BBS9: variants seen among roughly 807,000 people sequenced by gnomAD.
The protein encoded by BBS9 is protein PTHB1.
In BBS9, 89 loss-of-function variants were observed where a neutral mutation model predicts 117.7. The observed-to-expected ratio is 0.76, with a 90% confidence interval of 0.64 to 0.90. The LOEUF (loss-of-function observed/expected upper bound fraction) is 0.90, where lower values mean the gene tolerates loss of function less well. BBS9 is among the 40% of genes least tolerant of loss of function. The probability of loss-of-function intolerance (pLI) is 0.00; values close to 1 mark genes in which losing one functional copy is unlikely to be tolerated. For synonymous variants in BBS9, 379 were observed against 370.9 expected (o/e 1.02, Z -0.25); for missense variants, 982 against 1,042.2 (o/e 0.94, Z 0.80).
At chr7:33,375,676 C>G (rs1823734623) in intron 17 of BBS9, among the ~76,000 whole-genome samples, 1 of 150,760 alleles carries the variant, frequency 6.6e-6, no homozygotes. Context: ...AGTGCACCCT[C>G]TGCCTCCCAG....
intron 5 of BBS9, among the ~76,000 whole-genome samples, chr7:33,178,793 T>G (rs1030410417): frequency 6.6e-6 from 1 of 152,106 alleles, no homozygotes; most frequent in African/African-American, 2.4e-5. Context: ...TTTTTTTTAT[T>G]AATACATACA....
At chr7:33,534,766 T>C (rs1209308942) in intron 21 of BBS9, among the ~76,000 whole-genome samples, 2 of 152,116 alleles carry the variant, frequency 1.3e-5, no homozygotes, top group Non-Finnish European at 2.9e-5. Context: ...CCCATGGTCA[T>C]AGGGGCTGAG....
Position 33,451,334 on chromosome 7 carries a change from A to G in BBS9, c.2116-54129A>G, listed in dbSNP as rs1347317032. On this transcript the variant is annotated intron_variant, in intron 19 of 22. Transcript: ENST00000242067. ...TCTAAAAATTATAGTTTCAGGTCTT[A>G]TGTTTCAGCCTTTAATCCATTTTAA... Among the ~76,000 whole-genome samples, 5 of 152,118 alleles carry G rather than the reference A, an allele frequency of 3.3e-5. No homozygotes were observed. In the East Asian group the frequency reaches 9.6e-4, roughly 29 times the overall value.
At chr7:33,437,798 C>T (rs1461915436) in intron 19 of BBS9, among the ~76,000 whole-genome samples, 5 of 152,256 alleles carry the variant, frequency 3.3e-5, no homozygotes, top group African/African-American at 1.2e-4. Context: ...ATTGCTTGAA[C>T]CCGGGAGGCA....
At chr7:33,555,308 A>G (rs1159671286) in intron 21 of BBS9, among the ~76,000 whole-genome samples, 2 of 152,178 alleles carry the variant, frequency 1.3e-5, no homozygotes, top group Non-Finnish European at 2.9e-5. Context: ...TATCTTGAAC[A>G]CTTAACTACA....
intron 19 of BBS9, among the ~76,000 whole-genome samples, chr7:33,416,475 T>C (rs531503221): frequency 2.0e-5 from 3 of 152,058 alleles, no homozygotes; most frequent in Non-Finnish European, 2.9e-5. Flanking sequence ...AGAGGTTTTG[T>C]ATATTTTAGG....
intron 5 of BBS9, among the ~76,000 whole-genome samples, chr7:33,227,664 C>T (rs143053782): frequency 4.7e-3 from 716 of 152,124 alleles, no homozygotes; most frequent in Middle Eastern, 0.01. Context: ...TATGCTTTTG[C>T]ATCCTCATAA....
At chr7:33,288,413 GT>G (rs1803326658) in intron 9 of BBS9, among the ~76,000 whole-genome samples, 1 of 152,070 alleles carries the variant, frequency 6.6e-6, no homozygotes, top group African/African-American at 2.4e-5. Context: ...GACTGTAACA[GT>G]TTCAATCAAG....
At chr7:33,578,936 A>T (rs1306599795) in intron 21 of BBS9, among the ~76,000 whole-genome samples, 1 of 152,322 alleles carries the variant, frequency 6.6e-6, no homozygotes, top group East Asian at 1.9e-4. Flanking sequence ...CCCAAAGGAA[A>T]TATGCATTAA....
At chr7:33,273,346 A>G in intron 8 of BBS9, 151 bp downstream of exon 8, 1 of 872,492 alleles carries the variant, frequency 1.1e-6, no homozygotes, top group Non-Finnish European at 1.8e-6. Flanking sequence ...CAAAGTTTGA[A>G]TGGAAGTTTG....
Position 33,542,721 on chromosome 7 carries a change from GTGTGTGTGTGTATATGTGTGTGTA to G in BBS9, c.2521+8547_2521+8570del, listed in dbSNP as rs1273606592. On this transcript the variant is annotated intron_variant, in intron 21 of 22. Transcript: ENST00000242067. ...TATATGTGTGTGTGTGTGTGTGTGT[GTGTGTGTGTGTATATGTGTGTGTA>G]TATATATATACACGTATGTATATGT... Among the ~76,000 whole-genome samples, 411 of 143,882 alleles carry G rather than the reference GTGTGTGTGTGTATATGTGTGTGTA, an allele frequency of 2.9e-3. 4 individuals carry two copies. The highest frequency in any genetic ancestry group is 9.2e-3 in the African/African-American group (344 of 37,240). 94.4% of individuals were successfully genotyped at this position (143,882 alleles called of 152,430 possible).
At chr7:33,144,759 T>C (rs987632554) in intron 1 of BBS9, among the ~76,000 whole-genome samples, 3 of 152,234 alleles carry the variant, frequency 2.0e-5, no homozygotes, top group East Asian at 1.9e-4. Flanking sequence ...GTTTGACTTA[T>C]GATTTTTCAA....
At chr7:33,194,813 A>G (rs188129453) in intron 5 of BBS9, among the ~76,000 whole-genome samples, 29 of 152,278 alleles carry the variant, frequency 1.9e-4, no homozygotes, top group Non-Finnish European at 3.2e-4. Context: ...GAGTTTGATT[A>G]TCTAGCAGGA....
rs527810394 is a variant in BBS9, at chr7:33,358,120, C to T, written c.1693+125C>T. ...TTGTTAAGTAAGAGTATAAAAATGC[C>T]TCAAGGATTTTTCCCTCCTTTGCCT... On this transcript the variant is annotated intron_variant, in intron 16 of 22. Coordinates refer to ENST00000242067, the MANE Select transcript of BBS9 (RefSeq NM_198428.3). 12 of 1,284,182 alleles carry T rather than the reference C, an allele frequency of 9.3e-6. No homozygotes were observed. In the East Asian group the frequency reaches 1.7e-4, roughly 18 times the overall value. The allele number at this position is 1,284,182 out of a possible 1,614,324, so 79.5% of individuals were successfully genotyped here.
chr7:33,553,390 T>C (rs1854766225), intron 21 of BBS9, among the ~76,000 whole-genome samples: 1 of 152,232 alleles, frequency 6.6e-6, no homozygotes, highest in Admixed American at 6.5e-5. Context: ...CATCCTCTTC[T>C]ATTTCCTGTT....
intron 9 of BBS9, among the ~76,000 whole-genome samples, chr7:33,294,832 A>T (rs1217752468): frequency 6.6e-6 from 1 of 152,178 alleles, no homozygotes; most frequent in African/African-American, 2.4e-5. Flanking sequence ...CACAATAAAA[A>T]TGTAAGTTAT....
chr7:33,159,098 C>T (rs1794480286), intron 4 of BBS9, among the ~76,000 whole-genome samples: 1 of 152,100 alleles, frequency 6.6e-6, no homozygotes, highest in Non-Finnish European at 1.5e-5. Context: ...ATTTCCACCT[C>T]CATTTAGGTT....
intron 20 of BBS9, among the ~76,000 whole-genome samples, chr7:33,520,228 G>A (rs892187952): frequency 6.6e-6 from 1 of 152,032 alleles, no homozygotes; most frequent in African/African-American, 2.4e-5. Flanking sequence ...TGGCCAGGCT[G>A]GTCTCGAACT....
At chr7:33,223,335 A>G (rs1790631480) in intron 5 of BBS9, among the ~76,000 whole-genome samples, 1 of 152,076 alleles carries the variant, frequency 6.6e-6, no homozygotes, top group South Asian at 2.1e-4. Flanking sequence ...TCTGTTTGCA[A>G]TTTTCAAGTA....
Sources: gnomAD v4.1 joint callset for allele counts (sites outside exome capture counted in the v4.1 genomes callset) on GRCh38, gnomAD v4.1.1 for gene constraint, MANE v1.5 for transcripts, NCBI Gene and HGNC (gene_info 2026-07-23, HGNC 2026-07-21) for gene names.